The following MYCBP2 variants were observed in gnomAD, a reference collection of about 807,000 sequenced individuals.
MYCBP2 encodes E3 ubiquitin-protein ligase MYCBP2.
A neutral mutation model predicts 525.3 loss-of-function variants in MYCBP2; 120 were observed. That is an observed-to-expected ratio of 0.23 (90% CI 0.20 to 0.27). The LOEUF is 0.27. MYCBP2 is among the 10% of genes least tolerant of loss of function. The pLI, the probability that MYCBP2 is intolerant of heterozygous loss-of-function variation, is 1.00. For missense variants in MYCBP2, 4,149 were observed against 5,657.1 expected, an observed-to-expected ratio of 0.73 and a Z score of 8.55; for synonymous variants, 1,894 against 1,955.8, an observed-to-expected ratio of 0.97 and a Z score of 0.83.
At chr13:77,089,070 G>A (rs1299748455) in intron 60 of MYCBP2, 39 bp from the exon 61 acceptor site, 2 of 1,420,730 alleles carry the variant, frequency 1.4e-6, no homozygotes, top group African/African-American at 2.9e-5. Context: ...TTCATAGGCA[G>A]TGCATATATA....
chr13:77,261,543 A>AT (rs1414216835), intron 11 of MYCBP2, among the ~76,000 whole-genome samples, 168 bp from the exon 12 acceptor site: 1 of 152,114 alleles, frequency 6.6e-6, no homozygotes, highest in Non-Finnish European at 1.5e-5. Context: ...AGAAATACAC[A>AT]TATTTTGCCA....
intron 46 of MYCBP2, 38 bp from the exon 47 acceptor site, chr13:77,150,987 T>A (rs1249845973): frequency 2.1e-5 from 32 of 1,508,654 alleles, no homozygotes; most frequent in Non-Finnish European, 2.9e-5. Flanking sequence ...ACCATTATTA[T>A]TTAATTGTCA....
At chr13:77,194,302 A>G (rs1346735882) in intron 26 of MYCBP2, 58 bp from the exon 27 acceptor site, 15 of 1,275,496 alleles carry the variant, frequency 1.2e-5, no homozygotes, top group Non-Finnish European at 1.5e-5. Context: ...TCTGATGAAC[A>G]ATGTGTTCAT....
intron 20 of MYCBP2, among the ~76,000 whole-genome samples, chr13:77,220,852 T>C (rs1220292226): frequency 6.6e-6 from 1 of 152,188 alleles, no homozygotes; most frequent in Non-Finnish European, 1.5e-5. Context: ...GATGAATATC[T>C]AATCCACTAG....
intron 1 of MYCBP2, among the ~76,000 whole-genome samples, chr13:77,323,571 T>C (rs891808455): frequency 6.6e-6 from 1 of 152,110 alleles, no homozygotes; most frequent in Non-Finnish European, 1.5e-5. Flanking sequence ...ATGAAATAGG[T>C]TTTATTGCCT....
At chr13:77,248,015 T>A (rs965243629) in intron 15 of MYCBP2, among the ~76,000 whole-genome samples, 2 of 151,640 alleles carry the variant, frequency 1.3e-5, no homozygotes, top group South Asian at 2.1e-4. Flanking sequence ...CGGGGAGGGA[T>A]AGCATTAGGA....
chr13:77,242,018 C>G (rs1256048477), intron 17 of MYCBP2, among the ~76,000 whole-genome samples: 2 of 151,814 alleles, frequency 1.3e-5, no homozygotes, highest in Non-Finnish European at 2.9e-5. Flanking sequence ...TTGTCTTAAT[C>G]CTACAAAAAA....
intron 4 of MYCBP2, among the ~76,000 whole-genome samples, chr13:77,275,041 T>C (rs2075364625): frequency 1.3e-5 from 2 of 152,208 alleles, no homozygotes; most frequent in African/African-American, 2.4e-5. Context: ...TATCCTTCAG[T>C]GAGTACATCT....
At chr13:77,303,128 T>C (rs981032367) in intron 1 of MYCBP2, among the ~76,000 whole-genome samples, 1 of 152,160 alleles carries the variant, frequency 6.6e-6, no homozygotes, top group Non-Finnish European at 1.5e-5. Flanking sequence ...AGGTCAGGTG[T>C]TCGAGACCAG....
intron 69 of MYCBP2, among the ~76,000 whole-genome samples, chr13:77,069,363 C>T (rs2040738346): frequency 6.6e-6 from 1 of 152,216 alleles, no homozygotes; most frequent in Non-Finnish European, 1.5e-5. Flanking sequence ...TGGCTCACGC[C>T]TGTAATCCCA....
At chr13:77,165,514 A>C in intron 41 of MYCBP2, 123 bp from the exon 42 acceptor site, 1 of 700,946 alleles carries the variant, frequency 1.4e-6, no homozygotes, top group Non-Finnish European at 2.4e-6. Context: ...CATATACTAC[A>C]TAACTTAAAT....
chr13:77,274,413 A>G (rs906456976), intron 4 of MYCBP2, among the ~76,000 whole-genome samples: 3 of 152,196 alleles, frequency 2.0e-5, no homozygotes, highest in Non-Finnish European at 2.9e-5. Flanking sequence ...AAATCCTTAT[A>G]GAGTGAATAA....
intron 37 of MYCBP2, among the ~76,000 whole-genome samples, chr13:77,173,510 T>C (rs2059334709): frequency 6.6e-6 from 1 of 152,204 alleles, no homozygotes; most frequent in African/African-American, 2.4e-5. Context: ...CTATTTCTGA[T>C]GGAAAGAGGA....
chr13:77,182,593 A>G (rs1252206442), intron 32 of MYCBP2, among the ~76,000 whole-genome samples: 1 of 152,272 alleles, frequency 6.6e-6, no homozygotes, highest in Non-Finnish European at 1.5e-5. Context: ...GCAAAGAAGA[A>G]AAGAACCATA....
In MYCBP2 at chr13:77,126,382, G is replaced by C. The variant is rs768754259; in HGVS notation, c.7820C>G (p.Pro2607Arg). 6.2e-7 allele frequency: 1 copy of C among 1,613,908 alleles called. No individual in the cohort carries two copies. Among genetic ancestry groups the C allele is most frequent in the South Asian group, 1.1e-5 (1 of 91,064 alleles). The change falls in exon 53 of 83, where the codon CCT (proline) becomes CGT (arginine). Residue 2607 changes from proline to arginine, a missense_variant. Physicochemically the swap from Pro to Arg is moderately radical, Grantham distance 103 (BLOSUM62 -2). This residue lies in a region of MYCBP2 where 5 missense variants were observed against 23.4 expected (regional missense o/e 0.21). Coordinates refer to ENST00000544440, the MANE Select transcript of MYCBP2 (RefSeq NM_015057.5). ...GPSGHNIRSC[P>R]NLRGIPIGML... is the part of the protein sequence containing the mutation. ...TCCAATTGGGATACCTCTAAGGTTA[G>C]GGCAGCTTCTGATGTTGTGACCTGA...
chr13:77,253,094 A>C (rs1331224743), intron 14 of MYCBP2, among the ~76,000 whole-genome samples: 1 of 152,064 alleles, frequency 6.6e-6, no homozygotes, highest in Non-Finnish European at 1.5e-5. Context: ...ATAACAAATG[A>C]AACTGTAAAC....
intron 2 of MYCBP2, among the ~76,000 whole-genome samples, chr13:77,292,412 C>T (rs2077576214): frequency 6.6e-6 from 1 of 151,956 alleles, no homozygotes; most frequent in African/African-American, 2.4e-5. Context: ...ACTGAACACA[C>T]ACACATACAC....
intron 46 of MYCBP2, among the ~76,000 whole-genome samples, chr13:77,155,240 C>T (rs891540519): frequency 7.9e-5 from 12 of 151,964 alleles, no homozygotes; most frequent in African/African-American, 1.7e-4. Context: ...TACTTCTTCA[C>T]GCTATAAATG....
chr13:77,212,285 G>C (rs2064125142), intron 21 of MYCBP2, 125 bp from the exon 22 acceptor site: 1 of 736,938 alleles, frequency 1.4e-6, no homozygotes, highest in Admixed American at 3.6e-5. Flanking sequence ...TGTTAGTTTG[G>C]GTTTTTAAAA....
Sources: allele counts gnomAD v4.1 joint callset (sites outside exome capture counted in the v4.1 genomes callset), GRCh38; gene constraint gnomAD v4.1.1; regional missense constraint gnomAD v4.1.1; transcripts MANE v1.5; gene names NCBI Gene and HGNC (gene_info 2026-07-23, HGNC 2026-07-21).